Variants in SUZ12 observed in about 807,000 individuals in gnomAD.
SUZ12 encodes the protein SUZ12 polycomb repressive complex 2 subunit.
SUZ12 carries 17 observed loss-of-function variants against 87.3 expected under a neutral mutation model. The ratio of observed to expected loss-of-function variants is 0.19; its 90% CI spans 0.13 to 0.29. SUZ12 has a LOEUF of 0.29. Among genes scored for constraint, SUZ12 ranks in the 10% least tolerant of loss-of-function variants. The probability of loss-of-function intolerance (pLI) is 1.00; values close to 1 mark genes in which losing one functional copy is unlikely to be tolerated. For missense variants in SUZ12, 526 were observed against 912.2 expected, an observed-to-expected ratio of 0.58 and a Z score of 5.45; for synonymous variants, 253 against 312.4, an observed-to-expected ratio of 0.81 and a Z score of 2.01.
At position 31,948,924 on chromosome 17, in the gene SUZ12, C is replaced by T. The variant is rs569787123; in HGVS notation, c.455+1239C>T. 2.2e-3 allele frequency among the ~76,000 whole-genome samples: 328 copies of T among 152,288 alleles called. 3 individuals are homozygous for T. In the South Asian group the frequency reaches 0.028, roughly 13 times the overall value. On this transcript the variant is annotated intron_variant, in intron 4 of 15. Coordinates refer to ENST00000322652, the MANE Select transcript of SUZ12 (RefSeq NM_015355.4). The stretch of plus-strand genomic sequence containing the variant: ...TTTATATTCCAGATTCTTGTCTGGT[C>T]ACCCACCCTAGACAGAGCTCTTGGG...
chr17:31,959,864 G>A (rs1907588877), intron 4 of SUZ12, among the ~76,000 whole-genome samples: 1 of 152,222 alleles, frequency 6.6e-6, no homozygotes, highest in African/African-American at 2.4e-5. Flanking sequence ...TTGGAATGCT[G>A]AAATTTGCAT....
intron 10 of SUZ12, among the ~76,000 whole-genome samples, chr17:31,989,113 C>T (rs567052253): frequency 4.6e-5 from 7 of 151,772 alleles, no homozygotes; most frequent in African/African-American, 4.8e-5. Flanking sequence ...AAAGTAGAGA[C>T]GAGGTTTCAC....
chr17:31,956,176 G>A (rs1363857136), intron 4 of SUZ12, among the ~76,000 whole-genome samples: 2 of 151,102 alleles, frequency 1.3e-5, no homozygotes, highest in South Asian at 4.2e-4. Flanking sequence ...GCCTCCCAAA[G>A]TGCTGGGATT....
At chr17:31,979,103 C>CAAAA (rs61307349) in intron 8 of SUZ12, among the ~76,000 whole-genome samples, 63 of 65,198 alleles carry the variant, frequency 9.7e-4, no homozygotes, top group East Asian at 1.7e-3. Flanking sequence ...ACTGTGTCTC[C>CAAAA]AAAAAAAAAA....
rs151232453 is a variant in SUZ12 at position 31,983,868 on chromosome 17, G to A, written c.1023+764G>A. On this transcript the variant is annotated intron_variant, in intron 9 of 15. Coordinates refer to ENST00000322652, the MANE Select transcript of SUZ12 (RefSeq NM_015355.4). ...AAGAAATCTGCAGAATTTAGATTAAGCGTACTTAAGATAACTCTTTTAAGA... is the reference window on the plus strand; with the variant it reads ...AAGAAATCTGCAGAATTTAGATTAAACGTACTTAAGATAACTCTTTTAAGA... 2.6e-3 allele frequency among the ~76,000 whole-genome samples: 402 copies of A among 152,266 alleles called. 1 individual carries two copies. Among genetic ancestry groups the A allele is most frequent in the African/African-American group, 8.6e-3 (357 of 41,558 alleles).
At chr17:31,970,029 C>T (rs941234635) in intron 5 of SUZ12, among the ~76,000 whole-genome samples, 3 of 152,134 alleles carry the variant, frequency 2.0e-5, no homozygotes, top group African/African-American at 7.2e-5. Flanking sequence ...GCGATCCTCT[C>T]ACCTCAGCCT....
At chr17:31,994,363 T>C (rs1598190031) in intron 12 of SUZ12, 1 of 472,806 alleles carries the variant, frequency 2.1e-6, no homozygotes, top group Admixed American at 3.9e-5. Context: ...TTGTACAAAG[T>C]CACCAAGCAA....
intron 8 of SUZ12, among the ~76,000 whole-genome samples, chr17:31,976,945 C>T (rs1437639660): frequency 6.6e-6 from 1 of 152,152 alleles, no homozygotes; most frequent in Non-Finnish European, 1.5e-5. Context: ...AGGAAACAGA[C>T]CACCACCCAA....
chr17:31,948,171 T>A (rs1156297352), intron 4 of SUZ12, among the ~76,000 whole-genome samples: 2 of 152,226 alleles, frequency 1.3e-5, no homozygotes, highest in African/African-American at 4.8e-5. Flanking sequence ...ATATTTGAAA[T>A]ATGTTTCTCA....
intron 4 of SUZ12, among the ~76,000 whole-genome samples, chr17:31,950,171 G>C (rs1906878490): frequency 1.0e-5 from 1 of 96,360 alleles, no homozygotes; most frequent in Non-Finnish European, 2.0e-5. Flanking sequence ...TTGAACTCCT[G>C]ACCTCAGGTG....
chr17:31,951,451 A>G (rs1906972229), intron 4 of SUZ12, among the ~76,000 whole-genome samples: 1 of 152,054 alleles, frequency 6.6e-6, no homozygotes, highest in Non-Finnish European at 1.5e-5. Flanking sequence ...GAGGTGATAG[A>G]AAAACATGAG....
chr17:31,962,707 C>T (rs1255987940), intron 4 of SUZ12, among the ~76,000 whole-genome samples: 4 of 152,320 alleles, frequency 2.6e-5, no homozygotes, highest in African/African-American at 9.6e-5. Flanking sequence ...GATTTTCTGA[C>T]TCTATAAATT....
chr17:31,966,105 G>C (rs1170554708), intron 4 of SUZ12, 42 bp from the exon 5 acceptor site: 1 of 1,501,080 alleles, frequency 6.7e-7, no homozygotes, highest in Non-Finnish European at 9.0e-7. Context: ...TTTTACTACA[G>C]AGCATTACAA....
At chr17:31,952,970 C>G (rs1372253154) in intron 4 of SUZ12, among the ~76,000 whole-genome samples, 1 of 152,192 alleles carries the variant, frequency 6.6e-6, no homozygotes, top group African/African-American at 2.4e-5. Flanking sequence ...CAAGTGTTTA[C>G]CAGGGCCAAA....
chr17:31,968,561 A>G (rs1908230208), intron 5 of SUZ12, among the ~76,000 whole-genome samples: 1 of 152,122 alleles, frequency 6.6e-6, no homozygotes, highest in African/African-American at 2.4e-5. Flanking sequence ...AAGAAATTTG[A>G]AATCTCGTAT....
chr17:31,979,622 T>G (rs28767340), intron 8 of SUZ12, among the ~76,000 whole-genome samples: 188 of 152,332 alleles, frequency 1.2e-3, no homozygotes, highest in African/African-American at 4.1e-3. Context: ...TTAAATATTT[T>G]TGGCAGGGAT....
At chr17:31,940,160 C>T (rs1328971600) in intron 1 of SUZ12, 126 bp from the exon 2 acceptor site, 8 of 1,326,550 alleles carry the variant, frequency 6.0e-6, no homozygotes, top group East Asian at 4.7e-5. Context: ...ATATTTAGTG[C>T]GATATAAATA....
rs568004495 is a variant in SUZ12, at chr17:31,947,998, G to A, written c.455+313G>A. On this transcript the variant is annotated intron_variant, in intron 4 of 15. Transcript: ENST00000322652. Reference sequence around the variant, plus strand: ...TTAACTCTACCACCTCATTTAAAGAGGGATACTCACATTTATAGTATATGT... The same window carrying A: ...TTAACTCTACCACCTCATTTAAAGAAGGATACTCACATTTATAGTATATGT... Among the ~76,000 whole-genome samples, 406 of 152,184 alleles carry A rather than the reference G, an allele frequency of 2.7e-3. 1 individual carries two copies. Among genetic ancestry groups the A allele is most frequent in the African/African-American group, 8.7e-3 (360 of 41,544 alleles).
chr17:31,979,103 CAAAAA>C (rs61307349), intron 8 of SUZ12, among the ~76,000 whole-genome samples: 1,887 of 65,244 alleles, frequency 0.029, 39 homozygotes, highest in African/African-American at 0.078. Flanking sequence ...ACTGTGTCTC[CAAAAA>C]AAAAAAAAAA....
Sources: gnomAD v4.1 joint callset for allele counts (sites outside exome capture counted in the v4.1 genomes callset) on GRCh38, gnomAD v4.1.1 for gene constraint, MANE v1.5 for transcripts, NCBI Gene and HGNC (gene_info 2026-07-23, HGNC 2026-07-21) for gene names.